C4orf17: variants seen among roughly 807,000 people sequenced by gnomAD.
C4orf17 encodes the protein uncharacterized protein C4orf17.
A neutral mutation model predicts 32.0 loss-of-function variants in C4orf17; 25 were observed. The observed-to-expected ratio is 0.78, with a 90% CI of 0.57 to 1.09. C4orf17 has a LOEUF of 1.09. Among genes scored for constraint, C4orf17 ranks in the 50% least tolerant of loss-of-function variants. The pLI, the probability that C4orf17 is intolerant of heterozygous loss-of-function variation, is 0.00. For missense variants in C4orf17, 420 were observed against 420.0 expected (o/e 1.00, Z 0.00); for synonymous variants, 149 against 145.8 (o/e 1.02, Z -0.16).
intron 5 of C4orf17, among the ~76,000 whole-genome samples, chr4:99,534,872 T>C (rs1166629822): frequency 6.6e-6 from 1 of 152,236 alleles, no homozygotes; most frequent in Non-Finnish European, 1.5e-5. Context: ...GTTTTTGTAG[T>C]GGCTGGTAAA....
At chr4:99,530,105 T>A in intron 5 of C4orf17, 147 bp downstream of exon 5, 1 of 590,198 alleles carries the variant, frequency 1.7e-6, no homozygotes, top group Non-Finnish European at 2.8e-6. Context: ...ATCCAAGGCA[T>A]ACTCCTATTT....
chr4:99,513,616 C>T (rs976273067), intron 2 of C4orf17, among the ~76,000 whole-genome samples: 1 of 152,086 alleles, frequency 6.6e-6, no homozygotes, highest in Non-Finnish European at 1.5e-5. Flanking sequence ...TGCTTCCTTC[C>T]CTTCTGTCTT....
intron 4 of C4orf17, among the ~76,000 whole-genome samples, chr4:99,527,705 C>A (rs746329288): frequency 9.2e-5 from 14 of 152,230 alleles, no homozygotes; most frequent in African/African-American, 3.1e-4. Context: ...TCACATTCTG[C>A]TGTGCAGCAG....
In C4orf17 at chr4:99,512,338, C is replaced by T. The variant is rs1026335797; in HGVS notation, c.-93-651C>T. Among the ~76,000 whole-genome samples the T allele has an allele frequency of 6.6e-5, 10 of 152,274 alleles. No individual in the cohort carries two copies. In the Middle Eastern group the frequency reaches 0.01, roughly 155 times the overall value. On this transcript the variant is annotated intron_variant, in intron 1 of 8. Coordinates refer to ENST00000326581, the MANE Select transcript of C4orf17 (RefSeq NM_032149.3). The stretch of plus-strand genomic sequence containing the variant: ...CTTAATCCAGAAATGTTCTTTCTCA[C>T]ATGGTTGTGAATTCACCAAGATACA...
At chr4:99,512,880 T>C (rs1275116853) in intron 1 of C4orf17, 109 bp from the exon 2 acceptor site, 1 of 567,114 alleles carries the variant, frequency 1.8e-6, no homozygotes, top group Non-Finnish European at 3.0e-6. Context: ...CTCACATTGC[T>C]GTAACATGAG....
chr4:99,520,181 G>A (rs935974013), intron 2 of C4orf17, among the ~76,000 whole-genome samples: 3 of 150,048 alleles, frequency 2.0e-5, no homozygotes, highest in African/African-American at 4.9e-5. Flanking sequence ...GCTCCGCCTC[G>A]CGGGTTCATG....
intron 2 of C4orf17, among the ~76,000 whole-genome samples, chr4:99,521,676 G>A (rs1257801911): frequency 2.0e-5 from 3 of 152,182 alleles, no homozygotes; most frequent in South Asian, 2.1e-4. Flanking sequence ...AGCAAGTGTA[G>A]AAAACACTAT....
Position 99,539,388 on chromosome 4 carries a change from C to T in C4orf17, c.836+18C>T, listed in dbSNP as rs1253661377. 11 of 1,591,794 alleles carry T rather than the reference C, an allele frequency of 6.9e-6. No homozygotes were observed. In the Admixed American group the frequency reaches 1.5e-4, roughly 22 times the overall value. Reference sequence around the variant, plus strand: ...CCAACCAGGTAATTAGATATAATGGCCCCCTAGAGGGAGGGCCTATGGCAC... The same window carrying T: ...CCAACCAGGTAATTAGATATAATGGTCCCCTAGAGGGAGGGCCTATGGCAC... On this transcript the variant is annotated intron_variant, in intron 7 of 8. Coordinates refer to ENST00000326581, the MANE Select transcript of C4orf17 (RefSeq NM_032149.3).
At chr4:99,539,035 A>T in intron 6 of C4orf17, 128 bp from the exon 7 acceptor site, 3 of 862,266 alleles carry the variant, frequency 3.5e-6, no homozygotes, top group Non-Finnish European at 3.7e-6. Context: ...CCTTACTCCC[A>T]CATAGGTAAC....
chr4:99,512,301 A>T (rs911143307), intron 1 of C4orf17, among the ~76,000 whole-genome samples: 1 of 152,188 alleles, frequency 6.6e-6, no homozygotes, highest in Non-Finnish European at 1.5e-5. Context: ...TTAAATAACG[A>T]CTTTCTATGT....
rs553553022 is a variant in C4orf17 at position 99,530,285 on chromosome 4, C to A, written c.546+327C>A. On this transcript the variant is annotated intron_variant, in intron 5 of 8. Transcript: ENST00000326581. ...GAGAGACACTACTCTTAATGTCTTG[C>A]CGCAATCTATACATTTACTTCTCAT... Among the ~76,000 whole-genome samples, 35 of 152,214 alleles carry A rather than the reference C, an allele frequency of 2.3e-4. No homozygotes were observed. In the Middle Eastern group the frequency reaches 0.01, roughly 44 times the overall value.
At chr4:99,536,084 C>A (rs1486539784) in intron 5 of C4orf17, 3 of 382,298 alleles carry the variant, frequency 7.8e-6, no homozygotes, top group East Asian at 7.9e-5. Context: ...AAGGTGTCTG[C>A]CTGCTCCTTC....
rs1198256645 is a variant in C4orf17, at chr4:99,524,596, G to A, written c.402+11G>A. On this transcript the variant is annotated intron_variant, in intron 4 of 8. Transcript: ENST00000326581. ...TTAGTAATTAAAAAGGTAAGGAACA[G>A]CTATTTACTGCTATCTATTTAGTTT... is the stretch of plus-strand genomic sequence containing the variant. 11 of 1,484,476 alleles carry A rather than the reference G, an allele frequency of 7.4e-6. No individual in the cohort carries two copies. The highest frequency in any genetic ancestry group is 1.0e-5 in the Non-Finnish European group (11 of 1,075,748). 92.0% of individuals were successfully genotyped at this position (1,484,476 alleles called of 1,614,324 possible). A position where few individuals can be genotyped will look rare whatever the true frequency, so the allele number is the denominator to read the frequency against.
At chr4:99,521,853 G>T (rs72906774) in intron 2 of C4orf17, among the ~76,000 whole-genome samples, 17,314 of 152,106 alleles carry the variant, frequency 0.11, 2,422 homozygotes, top group African/African-American at 0.33. Context: ...GTCTATAACT[G>T]ATTATTTGAA....
chr4:99,542,001 G>A lies in C4orf17; in HGVS notation c.972G>A (p.Arg324=). The change falls in exon 9 of 9, where the codon AGG becomes AGA. Residue 324 remains arginine (R), a synonymous_variant. Coordinates refer to ENST00000326581, the MANE Select transcript of C4orf17 (RefSeq NM_032149.3). The stretch of plus-strand genomic sequence containing the variant: ...TCAGCAAACCAAATTCTCCTCCCAG[G>A]CCTAACACTCAGGAGAGTGGATCAG... The part of the protein sequence containing the change: ...EYFSKPNSPP[R]PNTQESGSAK... The A allele has an allele frequency of 6.2e-7, 1 of 1,613,824 alleles. No homozygotes were observed. The highest frequency in any genetic ancestry group is 8.5e-7 in the Non-Finnish European group (1 of 1,179,856).
Position 99,523,563 on chromosome 4 carries a change from C to T in C4orf17, c.337+854C>T, listed in dbSNP as rs1183075520. 2.6e-5 allele frequency among the ~76,000 whole-genome samples: 4 copies of T among 152,150 alleles called. No homozygotes were observed. The East Asian group carries it at 5.8e-4, about 22-fold the overall frequency. On this transcript the variant is annotated intron_variant, in intron 3 of 8. Transcript: ENST00000326581. ...AAGAGTCAAAGCCCACTTATTTTCC[C>T]TTATTTCTTGTGTCCCTTTTTATAC...
intron 2 of C4orf17, among the ~76,000 whole-genome samples, chr4:99,517,185 G>A (rs994332966): frequency 2.3e-4 from 35 of 152,166 alleles, no homozygotes; most frequent in African/African-American, 7.7e-4. Context: ...AGCAGATTTC[G>A]CAAAATTCTC....
intron 4 of C4orf17, among the ~76,000 whole-genome samples, chr4:99,528,942 C>T (rs1428138606): frequency 6.6e-6 from 1 of 152,184 alleles, no homozygotes; most frequent in Non-Finnish European, 1.5e-5. Flanking sequence ...CATCATCTCA[C>T]GTAAAGTCAG....
rs896919763 is a variant in C4orf17 at position 99,542,192 on chromosome 4, G to A, written c.*83G>A. 11 of 1,288,784 alleles carry A rather than the reference G, an allele frequency of 8.5e-6. No individual in the cohort carries two copies. In the African/African-American group the frequency reaches 8.9e-5, roughly 10 times the overall value. 79.8% of individuals were successfully genotyped at this position (1,288,784 alleles called of 1,614,324 possible). A position where few individuals can be genotyped will look rare whatever the true frequency, so the allele number is the denominator to read the frequency against. On this transcript the variant is annotated 3_prime_UTR_variant, in exon 9 of 9. Coordinates refer to ENST00000326581, the MANE Select transcript of C4orf17 (RefSeq NM_032149.3). ...ATTATTTTTCAAATGAATATTTTTG[G>A]TATTGAGGAATCAAGTGGTCCTCTT... is the stretch of plus-strand genomic sequence containing the variant.
Sources: allele counts gnomAD v4.1 joint callset (sites outside exome capture counted in the v4.1 genomes callset), GRCh38; gene constraint gnomAD v4.1.1; transcripts MANE v1.5; gene names NCBI Gene and HGNC (gene_info 2026-07-23, HGNC 2026-07-21).